The following BTBD16 variants were observed in gnomAD, a reference collection of about 807,000 sequenced individuals.
BTBD16 encodes the protein BTB domain containing 16.
BTBD16 carries 66 observed loss-of-function variants against 67.4 expected under a neutral mutation model. The observed-to-expected ratio is 0.98, with a 90% CI of 0.80 to 1.20. BTBD16 has a LOEUF of 1.20. BTBD16 is among the 50% of genes most tolerant of loss of function. The pLI, the probability that BTBD16 is intolerant of heterozygous loss-of-function variation, is 0.00. For missense variants in BTBD16, 634 were observed against 616.0 expected (o/e 1.03, Z -0.31); for synonymous variants, 242 against 236.4 (o/e 1.02, Z -0.22).
chr10:122,331,183 T>A lies in BTBD16; in HGVS notation c.1011T>A (p.Asp337Glu). ...LRLHGITKGK[D>E]LEVLRHLNFF... is the part of the protein sequence containing the mutation. Reference sequence around the variant, plus strand: ...CTTTGCGTTTCTTCCCAGGCAAGGATCTGGAGGTGCTGCGGCACCTTAACT... The same window carrying A: ...CTTTGCGTTTCTTCCCAGGCAAGGAACTGGAGGTGCTGCGGCACCTTAACT... The change falls in exon 12 of 16, where the codon GAT becomes GAA. Residue 337 changes from aspartate (D) to glutamate (E), a missense_variant. Asp to Glu is a conservative substitution (Grantham distance 45, BLOSUM62 2). Coordinates refer to ENST00000260723, the MANE Select transcript of BTBD16 (RefSeq NM_144587.5). 1 of 1,612,912 alleles carries A rather than the reference T, an allele frequency of 6.2e-7. No homozygotes were observed. The highest frequency in any genetic ancestry group is 8.5e-7 in the Non-Finnish European group (1 of 1,179,664).
chr10:122,335,113 C>T lies in BTBD16; in HGVS notation c.1263+134C>T, dbSNP rs551123534. 2.8e-5 allele frequency: 15 copies of T among 539,448 alleles called. No individual in the cohort carries two copies. The East Asian group carries it at 3.0e-4, about 11-fold the overall frequency. 33.4% of individuals were successfully genotyped at this position (539,448 alleles called of 1,614,324 possible). ...TGAAATGTATTGTAAGTGCTAACCA[C>T]GCTCATGTATGTGATGTCATTTGAT... On this transcript the variant is annotated intron_variant, in intron 14 of 15. Coordinates refer to ENST00000260723, the MANE Select transcript of BTBD16 (RefSeq NM_144587.5).
intron 10 of BTBD16, among the ~76,000 whole-genome samples, chr10:122,317,673 C>CA (rs939741619): frequency 5.7e-4 from 82 of 144,326 alleles, no homozygotes; most frequent in African/African-American, 1.9e-3. Context: ...ACAAAAAAAA[C>CA]AAAAAAACAA....
chr10:122,299,619 A>G (rs746522358), intron 9 of BTBD16, among the ~76,000 whole-genome samples: 1 of 151,184 alleles, frequency 6.6e-6, no homozygotes, highest in South Asian at 2.1e-4. Flanking sequence ...CTGCACCCCA[A>G]CCCTGCCCCC....
intron 9 of BTBD16, among the ~76,000 whole-genome samples, chr10:122,302,584 C>T (rs550724169): frequency 2.0e-5 from 3 of 152,308 alleles, no homozygotes; most frequent in East Asian, 1.9e-4. Context: ...GCATGTCCTC[C>T]TTGTTGCATC....
At chr10:122,322,059 T>C (rs550302247) in intron 10 of BTBD16, among the ~76,000 whole-genome samples, 1 of 152,196 alleles carries the variant, frequency 6.6e-6, no homozygotes, top group Non-Finnish European at 1.5e-5. Context: ...CAGATATTGA[T>C]AATTTGTATA....
intron 10 of BTBD16, among the ~76,000 whole-genome samples, chr10:122,308,764 T>G (rs1212325274): frequency 6.6e-6 from 1 of 152,222 alleles, no homozygotes; most frequent in East Asian, 1.9e-4. Context: ...CTTTTAGCAC[T>G]GTGGATGGTT....
chr10:122,287,295 A>G (rs1271547920), intron 5 of BTBD16: 1 of 352,044 alleles, frequency 2.8e-6, no homozygotes, highest in Admixed American at 6.5e-5. Context: ...TCAGGCCATC[A>G]GTGAAAGGCT....
intron 8 of BTBD16, 84 bp from the exon 9 acceptor site, chr10:122,298,920 G>A: frequency 6.4e-7 from 1 of 1,552,126 alleles, no homozygotes; most frequent in East Asian, 2.3e-5. Context: ...CTCCCTCTGA[G>A]CACACGTGTA....
At chr10:122,297,059 G>C (rs1233141496) in intron 7 of BTBD16, among the ~76,000 whole-genome samples, 2 of 152,190 alleles carry the variant, frequency 1.3e-5, no homozygotes, top group Admixed American at 1.3e-4. Context: ...TCACTTTTCT[G>C]ATTTAACCAC....
At chr10:122,284,949 C>CCAT (rs1180092164) in intron 4 of BTBD16, among the ~76,000 whole-genome samples, 1 of 152,084 alleles carries the variant, frequency 6.6e-6, no homozygotes, top group East Asian at 1.9e-4. Context: ...CTATAATCAC[C>CCAT]CTGATGGGCT....
chr10:122,326,823 C>T (rs1222312986), intron 10 of BTBD16, among the ~76,000 whole-genome samples: 2 of 152,128 alleles, frequency 1.3e-5, no homozygotes, highest in East Asian at 1.9e-4. Flanking sequence ...CATAGACCAT[C>T]GCCTGAAGGT....
At chr10:122,277,626 T>C (rs2096343662) in intron 3 of BTBD16, among the ~76,000 whole-genome samples, 2 of 152,054 alleles carry the variant, frequency 1.3e-5, no homozygotes, top group African/African-American at 4.8e-5. Flanking sequence ...AGAGATCACA[T>C]GGCAAGCGAG....
At chr10:122,331,155 T>C (rs200781145) in intron 11 of BTBD16, 21 bp from the exon 12 acceptor site, 1 of 1,604,648 alleles carries the variant, frequency 6.2e-7, no homozygotes, top group East Asian at 2.2e-5. Context: ...TAAAAAACAT[T>C]CTCTTTGCGT....
At chr10:122,332,329 CA>C (rs2096456382) in intron 12 of BTBD16, 106 bp from the exon 13 acceptor site, 1 of 991,166 alleles carries the variant, frequency 1.0e-6, no homozygotes, top group South Asian at 1.6e-5. Flanking sequence ...AACTCTTTTT[CA>C]AACCTGGTGA....
intron 10 of BTBD16, among the ~76,000 whole-genome samples, chr10:122,310,051 C>T (rs1034250960): frequency 1.7e-4 from 26 of 152,178 alleles, no homozygotes; most frequent in African/African-American, 5.3e-4. Context: ...GGATTGCAGG[C>T]GTGAGCCACC....
intron 7 of BTBD16, among the ~76,000 whole-genome samples, chr10:122,297,529 A>T (rs2096385495): frequency 6.6e-6 from 1 of 152,224 alleles, no homozygotes; most frequent in South Asian, 2.1e-4. Flanking sequence ...TCCCTGCTAT[A>T]GGGTTACTTT....
chr10:122,309,524 T>C (rs568642794), intron 10 of BTBD16, among the ~76,000 whole-genome samples: 2 of 151,934 alleles, frequency 1.3e-5, no homozygotes, highest in African/African-American at 4.8e-5. Context: ...TTTGTACTTT[T>C]AATAGAGATG....
chr10:122,335,335 G>A (rs1237372996), intron 14 of BTBD16, among the ~76,000 whole-genome samples: 1 of 152,230 alleles, frequency 6.6e-6, no homozygotes, highest in African/African-American at 2.4e-5. Flanking sequence ...AAGATAACCG[G>A]TAATGCCCCC....
At chr10:122,331,400 G>C (rs375209256) in intron 12 of BTBD16, 142 bp downstream of exon 12, 10 of 1,276,404 alleles carry the variant, frequency 7.8e-6, no homozygotes, top group African/African-American at 1.5e-5. Flanking sequence ...AGGGAAAGTG[G>C]GGAGAGCAGT....
Sources: allele counts gnomAD v4.1 joint callset (sites outside exome capture counted in the v4.1 genomes callset), GRCh38; gene constraint gnomAD v4.1.1; transcripts MANE v1.5; gene names NCBI Gene and HGNC (gene_info 2026-07-23, HGNC 2026-07-21).